Variants in AVL9 observed in about 807,000 individuals in gnomAD.
AVL9 encodes the protein AVL9 cell migration associated.
AVL9 carries 49 observed loss-of-function variants against 79.2 expected under a neutral mutation model. The ratio of observed to expected loss-of-function variants is 0.62; its 90% CI spans 0.49 to 0.79. AVL9 has a LOEUF of 0.79. Among genes scored for constraint, AVL9 ranks in the 30% least tolerant of loss-of-function variants. AVL9 has a pLI of 0.00. For synonymous variants in AVL9, 299 were observed against 280.6 expected (o/e 1.07, Z -0.65); for missense variants, 682 against 776.8 (o/e 0.88, Z 1.45).
intron 1 of AVL9, among the ~76,000 whole-genome samples, chr7:32,508,500 G>A (rs1787512061): frequency 6.6e-6 from 1 of 152,072 alleles, no homozygotes; most frequent in Admixed American, 6.6e-5. Context: ...ATTTCACATT[G>A]TTTTTTCCTA....
intron 4 of AVL9, among the ~76,000 whole-genome samples, chr7:32,549,270 G>A (rs1789691157): frequency 6.7e-6 from 1 of 150,216 alleles, no homozygotes; most frequent in Non-Finnish European, 1.5e-5. Context: ...TGTTGCCCAG[G>A]CTGGAGTGTG....
intron 4 of AVL9, among the ~76,000 whole-genome samples, chr7:32,550,466 A>G (rs1789759954): frequency 6.6e-6 from 1 of 152,168 alleles, no homozygotes; most frequent in Non-Finnish European, 1.5e-5. Flanking sequence ...TTTCTGGTCT[A>G]TGTATTGAAG....
chr7:32,573,542 C>A, intron 12 of AVL9, 124 bp downstream of exon 12: 1 of 863,912 alleles, frequency 1.2e-6, no homozygotes, highest in Non-Finnish European at 1.8e-6. Flanking sequence ...CAGTTATTCC[C>A]TCATACAAAG....
At chr7:32,503,349 T>G (rs1294853578) in intron 1 of AVL9, among the ~76,000 whole-genome samples, 2 of 109,932 alleles carry the variant, frequency 1.8e-5, no homozygotes, top group Non-Finnish European at 3.7e-5. Context: ...TATATAGATA[T>G]AGATATAGAG....
chr7:32,528,787 G>A (rs1788511876), intron 1 of AVL9, among the ~76,000 whole-genome samples: 1 of 152,054 alleles, frequency 6.6e-6, no homozygotes, highest in East Asian at 1.9e-4. Context: ...GAGGCGGGCA[G>A]ATCACAAGGT....
Position 32,573,114 on chromosome 7 carries a change from A to T in AVL9, c.1351-85A>T, listed in dbSNP as rs372831787. On this transcript the variant is annotated intron_variant, in intron 11 of 15. Coordinates refer to ENST00000318709, the MANE Select transcript of AVL9 (RefSeq NM_015060.3). ...ATTCATATTTTTTATTTCCAGCTCC[A>T]CCTTCCCCGTAGTTACTCTGTAAAG... is the stretch of plus-strand genomic sequence containing the variant. 12 of 1,041,662 alleles carry T rather than the reference A, an allele frequency of 1.2e-5. No individual in the cohort carries two copies. The African/African-American group carries it at 1.7e-4, about 15-fold the overall frequency. The allele number at this position is 1,041,662 out of a possible 1,614,324, so 64.5% of individuals were successfully genotyped here. A position where few individuals can be genotyped will look rare whatever the true frequency, so the allele number is the denominator to read the frequency against.
At chr7:32,546,932 G>T (rs1186198319) in intron 3 of AVL9, among the ~76,000 whole-genome samples, 8 of 152,200 alleles carry the variant, frequency 5.3e-5, no homozygotes, top group African/African-American at 1.7e-4. Flanking sequence ...TCGAACCCAG[G>T]TTTGGCTGCA....
At chr7:32,508,054 T>C (rs147500078) in intron 1 of AVL9, among the ~76,000 whole-genome samples, 1,722 of 152,338 alleles carry the variant, frequency 0.011, 34 homozygotes, top group African/African-American at 0.038. Flanking sequence ...CCAAATCTTA[T>C]CCTGTTTTTC....
At chr7:32,529,069 A>G (rs1356875743) in intron 1 of AVL9, among the ~76,000 whole-genome samples, 1 of 152,248 alleles carries the variant, frequency 6.6e-6, no homozygotes, top group Non-Finnish European at 1.5e-5. Flanking sequence ...GCCCGATATC[A>G]TTTATTCTTT....
chr7:32,508,292 T>G (rs1450152260), intron 1 of AVL9, among the ~76,000 whole-genome samples: 1 of 152,224 alleles, frequency 6.6e-6, no homozygotes, highest in Non-Finnish European at 1.5e-5. Context: ...ACTAATTTGA[T>G]GTCCTGAAGA....
At chr7:32,503,203 G>A (rs898280820) in intron 1 of AVL9, among the ~76,000 whole-genome samples, 8 of 151,190 alleles carry the variant, frequency 5.3e-5, no homozygotes, top group Non-Finnish European at 7.4e-5. Flanking sequence ...GGCCAGGTGC[G>A]GTGGCTCACA....
intron 1 of AVL9, among the ~76,000 whole-genome samples, chr7:32,498,298 C>G (rs1786954092): frequency 8.3e-6 from 1 of 119,880 alleles, no homozygotes; most frequent in Non-Finnish European, 1.6e-5. Context: ...GGCTGGAGTT[C>G]AGTGCAGTGG....
chr7:32,499,920 A>G (rs1020614296), intron 1 of AVL9, among the ~76,000 whole-genome samples: 2 of 149,198 alleles, frequency 1.3e-5, no homozygotes, highest in Non-Finnish European at 3.0e-5. Context: ...TGCAAAGGAC[A>G]TGAACTCATT....
intron 1 of AVL9, among the ~76,000 whole-genome samples, chr7:32,516,250 G>A (rs993143808): frequency 6.6e-6 from 1 of 152,198 alleles, no homozygotes; most frequent in Non-Finnish European, 1.5e-5. Context: ...CAAAGTTAAA[G>A]CTGACTGAGG....
chr7:32,579,454 T>C lies in AVL9; in HGVS notation c.1689-765T>C, dbSNP rs1167590781. Among the ~76,000 whole-genome samples the C allele has an allele frequency of 1.3e-3, 9 of 7,108 alleles. 3 individuals are homozygous for C. The highest frequency in any genetic ancestry group is 1.9e-3 in the Non-Finnish European group (9 of 4,706). The allele number at this position is 7,108 out of a possible 152,430, so 4.7% of individuals were successfully genotyped here. A position where few individuals can be genotyped will look rare whatever the true frequency, so the allele number is the denominator to read the frequency against. On this transcript the variant is annotated intron_variant, in intron 13 of 15. Coordinates refer to ENST00000318709, the MANE Select transcript of AVL9 (RefSeq NM_015060.3). ...TATATATATTATATATAATATATTA[T>C]ATATTATATATAATATATTATATTA...
At chr7:32,528,238 A>G (rs1006617036) in intron 1 of AVL9, among the ~76,000 whole-genome samples, 2 of 152,170 alleles carry the variant, frequency 1.3e-5, no homozygotes, top group Admixed American at 6.5e-5. Context: ...GACTAAGCCA[A>G]TGTAAACCTT....
chr7:32,501,403 G>T (rs1787119871), intron 1 of AVL9, among the ~76,000 whole-genome samples: 1 of 152,198 alleles, frequency 6.6e-6, no homozygotes, highest in Non-Finnish European at 1.5e-5. Flanking sequence ...CTTTTTAGCT[G>T]CTAGTTTTAC....
rs1287300305 is a variant in AVL9, at chr7:32,570,079, CGTTCGGGG to C, written c.1279_1286del (p.Arg427CysfsTer6). The C allele has an allele frequency of 6.2e-7, 1 of 1,614,056 alleles. No homozygotes were observed. The highest frequency in any genetic ancestry group is 8.5e-7 in the Non-Finnish European group (1 of 1,180,022). ...AGCATCATCTTCTCTCCGATGTCACCGTTCGGGGGTTTGTTGCTGGAGCTACTAACATC... is the reference window on the plus strand; with the variant it reads ...AGCATCATCTTCTCTCCGATGTCACCGTTTGTTGCTGGAGCTACTAACATC... On this transcript the variant is annotated frameshift_variant, in exon 11 of 16. Coordinates refer to ENST00000318709, the MANE Select transcript of AVL9 (RefSeq NM_015060.3). LOFTEE classifies it high-confidence loss of function.
At chr7:32,543,064 A>G (rs1488814360) in intron 1 of AVL9, 77 bp from the exon 2 acceptor site, 2 of 1,572,804 alleles carry the variant, frequency 1.3e-6, no homozygotes, top group East Asian at 2.2e-5. Flanking sequence ...TTCAGGGTTT[A>G]AAAGCATTTT....
Sources: allele counts gnomAD v4.1 joint callset (sites outside exome capture counted in the v4.1 genomes callset), GRCh38; gene constraint gnomAD v4.1.1; transcripts MANE v1.5; gene names NCBI Gene and HGNC (gene_info 2026-07-23, HGNC 2026-07-21).